RALGAPB: variants seen among roughly 807,000 people sequenced by gnomAD.
RALGAPB encodes ral GTPase-activating protein subunit beta.
In RALGAPB, 25 loss-of-function variants were observed where a neutral mutation model predicts 161.1. The observed-to-expected ratio is 0.16, with a 90% CI of 0.11 to 0.22. RALGAPB has a LOEUF of 0.22. RALGAPB is among the 10% of genes least tolerant of loss of function. RALGAPB has a pLI of 1.00. For missense variants in RALGAPB, 1,391 were observed against 1,815.2 expected, an observed-to-expected ratio of 0.77 and a Z score of 4.25; for synonymous variants, 629 against 626.1, an observed-to-expected ratio of 1.00 and a Z score of -0.07.
At chr20:38,539,668 C>G (rs1291620155) in intron 16 of RALGAPB, 108 bp from the exon 17 acceptor site, 1 of 969,092 alleles carries the variant, frequency 1.0e-6, no homozygotes, top group African/African-American at 1.6e-5. Context: ...GCAAGGCTTC[C>G]TGTAGTGTAT....
rs763139076 is a variant in RALGAPB, at chr20:38,574,224, T to C, written c.4217T>C (p.Ile1406Thr). The change falls in exon 29 of 30, where the codon ATT (isoleucine) becomes ACT (threonine). Residue 1406 changes from isoleucine to threonine, a missense_variant. This residue lies in a region of RALGAPB where 436 missense variants were observed against 527.0 expected (regional missense o/e 0.83). Coordinates refer to ENST00000262879, the MANE Select transcript of RALGAPB (RefSeq NM_020336.4). ...PLNTGLFRIK[I>T]QGATGKFNMV... The stretch of plus-strand genomic sequence containing the variant: ...AACACTGGATTATTCCGGATAAAAA[T>C]TCAAGGAGCCACTGGAAAATTTAAT... The C allele has an allele frequency of 6.2e-7, 1 of 1,613,874 alleles. No homozygotes were observed. Among genetic ancestry groups the C allele is most frequent in the South Asian group, 1.1e-5 (1 of 91,036 alleles).
At position 38,558,294 on chromosome 20, in the gene RALGAPB, G is replaced by T; in HGVS notation, c.3373-1G>T. The stretch of plus-strand genomic sequence containing the variant: ...TTGCTCCTTTCTTCTTTTGGTGGCA[G>T]GAACCTGCAAATAGTCGTCTACCTC... On this transcript the variant is annotated splice_acceptor_variant, in intron 22 of 29. Transcript: ENST00000262879. LOFTEE classifies it high-confidence loss of function. 1 of 1,498,898 alleles carries T rather than the reference G, an allele frequency of 6.7e-7. No individual in the cohort carries two copies. Among genetic ancestry groups the T allele is most frequent in the South Asian group, 1.4e-5 (1 of 71,646 alleles). The allele number at this position is 1,498,898 out of a possible 1,614,324, so 92.8% of individuals were successfully genotyped here.
chr20:38,546,612 T>G, intron 19 of RALGAPB, 182 bp downstream of exon 19: 1 of 702,466 alleles, frequency 1.4e-6, no homozygotes, highest in Non-Finnish European at 2.3e-6. Context: ...ACATATTACA[T>G]AGAGTCTTTT....
intron 1 of RALGAPB, among the ~76,000 whole-genome samples, chr20:38,478,683 C>T (rs192796373): frequency 8.5e-4 from 130 of 152,150 alleles, no homozygotes; most frequent in African/African-American, 3.0e-3. Context: ...GTGACGCCAC[C>T]TCGGCTCACC....
intron 14 of RALGAPB, among the ~76,000 whole-genome samples, chr20:38,531,572 AG>A (rs1235679899): frequency 6.6e-6 from 1 of 152,168 alleles, no homozygotes; most frequent in African/African-American, 2.4e-5. Flanking sequence ...GCAAGCAACT[AG>A]TTTAACTTTT....
intron 6 of RALGAPB, among the ~76,000 whole-genome samples, chr20:38,513,378 C>T (rs992123785): frequency 6.6e-6 from 1 of 151,628 alleles, no homozygotes; most frequent in Admixed American, 6.6e-5. Context: ...GTGGCACATG[C>T]CTGTAATCCC....
intron 23 of RALGAPB, 52 bp from the exon 24 acceptor site, chr20:38,562,480 G>A: frequency 7.1e-7 from 1 of 1,405,144 alleles, no homozygotes; most frequent in Admixed American, 2.3e-5. Context: ...GATTTATTTT[G>A]ATATATTATT....
In RALGAPB at chr20:38,506,193, A is replaced by G. The variant is rs544689606; in HGVS notation, c.741-2884A>G. Among the ~76,000 whole-genome samples, 7 of 152,332 alleles carry G rather than the reference A, an allele frequency of 4.6e-5. No homozygotes were observed. The South Asian group carries it at 8.3e-4, about 18-fold the overall frequency. On this transcript the variant is annotated intron_variant, in intron 5 of 29. Coordinates refer to ENST00000262879, the MANE Select transcript of RALGAPB (RefSeq NM_020336.4). ...TTATATGCAAATACTAAATTATTTT[A>G]TGTAAGGGGGCTTGAGCATCCGTGG...
chr20:38,482,566 TACAGGC>T (rs1173849487), intron 1 of RALGAPB, among the ~76,000 whole-genome samples: 1 of 151,774 alleles, frequency 6.6e-6, no homozygotes, highest in East Asian at 2.0e-4. Context: ...TAGCTGGGAT[TACAGGC>T]ACACACCACT....
At position 38,526,050 on chromosome 20, in the gene RALGAPB, T is replaced by TC. The variant is rs751470138; in HGVS notation, c.2050+8_2050+9insC. 1 of 1,613,436 alleles carries TC rather than the reference T, an allele frequency of 6.2e-7. No homozygotes were observed. The highest frequency in any genetic ancestry group is 8.5e-7 in the Non-Finnish European group (1 of 1,179,768). ...ACACCCAAATGATATTAGGTTTGTA[T>TC]TCACACGTTATTTTGTAAGTGAAAC... On this transcript the variant is annotated intron_variant, in intron 13 of 29. Coordinates refer to ENST00000262879, the MANE Select transcript of RALGAPB (RefSeq NM_020336.4).
rs375585298 is a variant in RALGAPB, at chr20:38,538,356, C to T, written c.2380-1420C>T. On this transcript the variant is annotated intron_variant, in intron 16 of 29. Transcript: ENST00000262879. ...GTGGTAAGATTGGCCTTAAGAATCC[C>T]CTGCCTGACCACGTGAGCACTGTAG... 7.7e-5 allele frequency: 17 copies of T among 219,684 alleles called. No individual in the cohort carries two copies. The East Asian group carries it at 1.0e-3, about 13-fold the overall frequency. 13.6% of individuals were successfully genotyped at this position (219,684 alleles called of 1,614,324 possible).
chr20:38,495,148 A>T (rs933681216), intron 3 of RALGAPB, among the ~76,000 whole-genome samples: 5 of 152,182 alleles, frequency 3.3e-5, no homozygotes, highest in Non-Finnish European at 7.4e-5. Flanking sequence ...TGTTTATTTG[A>T]TTCTGATAGT....
intron 5 of RALGAPB, among the ~76,000 whole-genome samples, chr20:38,502,149 T>A (rs915978000): frequency 6.6e-6 from 1 of 152,182 alleles, no homozygotes; most frequent in African/African-American, 2.4e-5. Flanking sequence ...CTGTAATAAT[T>A]TTGTAGCCAC....
intron 1 of RALGAPB, 90 bp downstream of exon 1, chr20:38,473,159 G>C: frequency 3.1e-6 from 1 of 326,048 alleles, no homozygotes; most frequent in Non-Finnish European, 5.6e-6. Flanking sequence ...GCTGAGGCTT[G>C]TTTCTCGGCT....
chr20:38,524,935 T>C lies in RALGAPB; in HGVS notation c.1777T>C (p.Leu593=). 6.2e-7 allele frequency: 1 copy of C among 1,608,252 alleles called. No individual in the cohort carries two copies. The highest frequency in any genetic ancestry group is 8.5e-7 in the Non-Finnish European group (1 of 1,174,640). The change falls in exon 11 of 30, where the codon TTG becomes CTG. Residue 593 remains leucine, a synonymous_variant. Coordinates refer to ENST00000262879, the MANE Select transcript of RALGAPB (RefSeq NM_020336.4). ...PYFISALETI[L]PDRELSKFKS... ...CTTTATTTCAGCTCTTGAAACCATT[T>C]TGCCTGACAGGTAAGCTATCATTCT...
At chr20:38,521,151 G>GA (rs529993753) in intron 9 of RALGAPB, among the ~76,000 whole-genome samples, 140 of 152,112 alleles carry the variant, frequency 9.2e-4, no homozygotes, top group Non-Finnish European at 1.8e-4. Context: ...GTAGGGGGAA[G>GA]AAAAAACAGA....
At chr20:38,515,618 AAATATAGTTGTTTTTTTTT>A (rs1320749696) in intron 6 of RALGAPB, among the ~76,000 whole-genome samples, 7 of 152,222 alleles carry the variant, frequency 4.6e-5, no homozygotes, top group African/African-American at 1.7e-4. Context: ...CCTGATTTTC[AAATATAGTTGTTTTTTTTT>A]AATTGAAAAT....
intron 21 of RALGAPB, 140 bp downstream of exon 21, chr20:38,551,363 T>C (rs1402942776): frequency 3.1e-6 from 3 of 976,786 alleles, no homozygotes; most frequent in Non-Finnish European, 4.6e-6. Flanking sequence ...GAGGTTGCCA[T>C]GTTTAAGACG....
At position 38,578,072 on chromosome 20, in the gene RALGAPB, AAAAAG is replaced by A. The variant is rs2088503470; in HGVS notation, c.*3109_*3113del. ...AAATAAATAAATAAATAAATAATAA[AAAAAG>A]AAACATGTATTGGAGGTAATTTGAC... On this transcript the variant is annotated 3_prime_UTR_variant, in exon 30 of 30. Transcript: ENST00000262879. 6.6e-6 allele frequency: 1 copy of A among 152,014 alleles called. No homozygotes were observed. The highest frequency in any genetic ancestry group is 1.5e-5 in the Non-Finnish European group (1 of 68,034). 9.4% of individuals were successfully genotyped at this position (152,014 alleles called of 1,614,324 possible).
Sources: gnomAD v4.1 joint callset for allele counts (sites outside exome capture counted in the v4.1 genomes callset) on GRCh38, gnomAD v4.1.1 for gene constraint, gnomAD v4.1.1 regional missense constraint, MANE v1.5 for transcripts, NCBI Gene and HGNC (gene_info 2026-07-23, HGNC 2026-07-21) for gene names.